Variants in CAPSL observed in about 807,000 individuals in gnomAD.
CAPSL encodes calcyphosine like, also known as calcyphosin-like protein.
CAPSL carries 17 observed loss-of-function variants against 21.3 expected under a neutral mutation model. That is an observed-to-expected ratio of 0.80 (90% CI 0.55 to 1.20). The LOEUF (loss-of-function observed/expected upper bound fraction) is 1.20. Ranked by LOEUF, CAPSL falls within the 50% of genes most tolerant of loss-of-function variation. The probability of loss-of-function intolerance (pLI) is 0.00; values close to 1 mark genes in which losing one functional copy is unlikely to be tolerated. For synonymous variants in CAPSL, 102 were observed against 89.3 expected, an observed-to-expected ratio of 1.14 and a Z score of -0.80; for missense variants, 289 against 259.3, an observed-to-expected ratio of 1.11 and a Z score of -0.79.
chr5:35,908,372 A>C (rs1010599), intron 4 of CAPSL, among the ~76,000 whole-genome samples: 1 of 152,124 alleles, frequency 6.6e-6, no homozygotes, highest in East Asian at 1.9e-4. Flanking sequence ...TATAACTGCT[A>C]AAAACCTCAA....
At chr5:35,937,090 C>T (rs1346186324) in intron 1 of CAPSL, among the ~76,000 whole-genome samples, 1 of 152,212 alleles carries the variant, frequency 6.6e-6, no homozygotes, top group Non-Finnish European at 1.5e-5. Flanking sequence ...TCCATTCCCT[C>T]ATCTCCATTG....
chr5:35,919,191 A>ATATATATATATATATATATATATATAT (rs1561439733), intron 2 of CAPSL, among the ~76,000 whole-genome samples: 1 of 107,452 alleles, frequency 9.3e-6, no homozygotes, highest in African/African-American at 3.3e-5. Context: ...ATATATATAT[A>ATATATATATATATATATATATATATAT]AAAATTGTGA....
chr5:35,920,836 C>G, intron 2 of CAPSL, 148 bp downstream of exon 2: 2 of 798,664 alleles, frequency 2.5e-6, no homozygotes, highest in Admixed American at 3.0e-5. Flanking sequence ...CCTCATAGAT[C>G]AACTCTTCTA....
intron 2 of CAPSL, among the ~76,000 whole-genome samples, chr5:35,919,160 T>TTAA (rs139738118): frequency 0.19 from 24,598 of 128,972 alleles, 2,508 homozygotes; most frequent in Non-Finnish European, 0.22. Flanking sequence ...CTTTCCTGAT[T>TTAA]AAAAAAAAAA....
intron 4 of CAPSL, among the ~76,000 whole-genome samples, chr5:35,907,919 A>C (rs1760715720): frequency 1.3e-5 from 2 of 152,166 alleles, no homozygotes; most frequent in South Asian, 4.1e-4. Flanking sequence ...TACAACAACA[A>C]TTTCTTGTGC....
intron 1 of CAPSL, among the ~76,000 whole-genome samples, chr5:35,922,088 G>T (rs1444762198): frequency 6.9e-5 from 10 of 144,176 alleles, no homozygotes; most frequent in Non-Finnish European, 1.4e-4. Flanking sequence ...AAAAAAAAAC[G>T]GTATTAGAAT....
chr5:35,934,257 ACCACCTCCAC>A (rs1417399562), intron 1 of CAPSL, among the ~76,000 whole-genome samples: 2 of 152,142 alleles, frequency 1.3e-5, no homozygotes, highest in African/African-American at 4.8e-5. Context: ...GCACCTCACC[ACCACCTCCAC>A]AAGTTACAGC....
intron 4 of CAPSL, among the ~76,000 whole-genome samples, chr5:35,908,508 G>A (rs115727000): frequency 0.043 from 6,575 of 152,314 alleles, 199 homozygotes; most frequent in Non-Finnish European, 0.065. Flanking sequence ...GAAAAGGGTA[G>A]CTGAGGTTTC....
chr5:35,921,030 G>A lies in CAPSL; in HGVS notation c.91C>T (p.Leu31=), dbSNP rs749954681. Residue 31 remains leucine, a synonymous_variant, in exon 2 of 5, where the codon CTG becomes TTG. Coordinates refer to ENST00000651391, the MANE Select transcript of CAPSL (RefSeq NM_001042625.2). ...TATDPIERLR[L]QCLARGSAGI... is the part of the protein sequence containing the mutation. ...GCAGAGCCCCTGGCCAGGCACTGCA[G>A]TCGGAGTCTTTCAATGGGGTCGGTG... 9 of 1,614,024 alleles carry A rather than the reference G, an allele frequency of 5.6e-6. No individual in the cohort carries two copies. The African/African-American group carries it at 8.0e-5, about 14-fold the overall frequency.
At chr5:35,937,802 T>C (rs1239719784) in intron 1 of CAPSL, among the ~76,000 whole-genome samples, 1 of 150,256 alleles carries the variant, frequency 6.7e-6, no homozygotes, top group Non-Finnish European at 1.5e-5. Context: ...ACAAAATAGA[T>C]TTTTGTGGTT....
Position 35,909,796 on chromosome 5 carries a change from G to C in CAPSL, c.525+70C>G, listed in dbSNP as rs138994747. 1.0e-5 allele frequency: 13 copies of C among 1,250,598 alleles called. No individual in the cohort carries two copies. In the East Asian group the frequency reaches 3.0e-4, roughly 29 times the overall value. The allele number at this position is 1,250,598 out of a possible 1,614,324, so 77.5% of individuals were successfully genotyped here. A position where few individuals can be genotyped will look rare whatever the true frequency, so the allele number is the denominator to read the frequency against. On this transcript the variant is annotated intron_variant, in intron 4 of 4. Transcript: ENST00000651391. The stretch of plus-strand genomic sequence containing the variant: ...TATCAATGTGTTAACATTTTTAAGA[G>C]TTTGGACCTATTTCCCATTTACAAT...
chr5:35,918,325 G>A (rs116476673), intron 2 of CAPSL, among the ~76,000 whole-genome samples: 25 of 152,312 alleles, frequency 1.6e-4, no homozygotes, highest in African/African-American at 5.5e-4. Context: ...GGGTGAAGCT[G>A]GAAACCATAA....
At chr5:35,913,273 G>A (rs1464093720) in intron 2 of CAPSL, among the ~76,000 whole-genome samples, 1 of 152,148 alleles carries the variant, frequency 6.6e-6, no homozygotes, top group Non-Finnish European at 1.5e-5. Context: ...AACCAAGTTG[G>A]AAAACACTCA....
intron 2 of CAPSL, among the ~76,000 whole-genome samples, chr5:35,919,301 TTAAGGATAC>T (rs1342689270): frequency 1.3e-5 from 2 of 151,702 alleles, no homozygotes; most frequent in African/African-American, 4.8e-5. Flanking sequence ...GTCTGATAAA[TTAAGGATAC>T]TAGCAAAAGA....
intron 4 of CAPSL, among the ~76,000 whole-genome samples, chr5:35,907,033 C>G (rs1037939612): frequency 5.3e-5 from 8 of 152,184 alleles, no homozygotes; most frequent in African/African-American, 1.4e-4. Context: ...TTGCCCTCAT[C>G]ATAGTAAATT....
intron 2 of CAPSL, among the ~76,000 whole-genome samples, chr5:35,917,915 T>A (rs1738435508): frequency 6.6e-6 from 1 of 152,076 alleles, no homozygotes; most frequent in South Asian, 2.1e-4. Flanking sequence ...GAAATGCAAA[T>A]CATGTCAGTT....
chr5:35,929,557 G>A (rs1027829464), intron 1 of CAPSL, among the ~76,000 whole-genome samples: 4 of 152,096 alleles, frequency 2.6e-5, no homozygotes, highest in African/African-American at 9.7e-5. Context: ...TCACAATGCT[G>A]GGATTACAGG....
At chr5:35,936,298 C>T (rs1738944987) in intron 1 of CAPSL, among the ~76,000 whole-genome samples, 1 of 152,100 alleles carries the variant, frequency 6.6e-6, no homozygotes, top group Non-Finnish European at 1.5e-5. Flanking sequence ...GAGGCCTACC[C>T]CTCTAAGATT....
intron 1 of CAPSL, among the ~76,000 whole-genome samples, chr5:35,924,647 T>C (rs1232399703): frequency 1.3e-5 from 2 of 152,186 alleles, no homozygotes; most frequent in Non-Finnish European, 2.9e-5. Flanking sequence ...AATCACCCAG[T>C]TCACCAACCA....
Sources: gnomAD v4.1 joint callset for allele counts (sites outside exome capture counted in the v4.1 genomes callset) on GRCh38, gnomAD v4.1.1 for gene constraint, MANE v1.5 for transcripts, NCBI Gene and HGNC (gene_info 2026-07-23, HGNC 2026-07-21) for gene names.